Variants in CUX1 observed in about 807,000 individuals in gnomAD.
CUX1 encodes the protein cut like homeobox 1, also known as protein CASP.
Under a neutral mutation model 158.8 loss-of-function variants are expected in CUX1, and 31 were observed. That is an observed-to-expected ratio of 0.20 (90% CI 0.15 to 0.26). CUX1 has a LOEUF of 0.26. Among genes scored for constraint, CUX1 ranks in the 10% least tolerant of loss-of-function variants. The pLI, the probability that CUX1 is intolerant of heterozygous loss-of-function variation, is 1.00. For missense variants in CUX1, 1,589 were observed against 2,014.6 expected (o/e 0.79, Z 4.04); for synonymous variants, 879 against 862.1 (o/e 1.02, Z -0.34).
chr7:102,233,529 A>G (rs557343223), intron 21 of CUX1, among the ~76,000 whole-genome samples: 53 of 152,276 alleles, frequency 3.5e-4, no homozygotes, highest in African/African-American at 1.2e-3. Context: ...ACTCATGCCT[A>G]TAATCCCAGC....
At chr7:102,067,732 G>T (rs926411582) in intron 3 of CUX1, among the ~76,000 whole-genome samples, 3 of 151,770 alleles carry the variant, frequency 2.0e-5, no homozygotes, top group African/African-American at 4.8e-5. Context: ...ACAAGGCATG[G>T]TCTTGTCATA....
intron 20 of CUX1, among the ~76,000 whole-genome samples, chr7:102,222,693 T>A (rs1350747817): frequency 1.3e-5 from 2 of 151,662 alleles, no homozygotes; most frequent in African/African-American, 4.9e-5. Flanking sequence ...GCAGGCACAG[T>A]CACTCTGTCA....
At chr7:102,017,604 G>A (rs927272118) in intron 2 of CUX1, among the ~76,000 whole-genome samples, 18 of 152,232 alleles carry the variant, frequency 1.2e-4, no homozygotes, top group African/African-American at 2.4e-4. Flanking sequence ...CCAGCGCTTC[G>A]GTAGGCCGAG....
intron 2 of CUX1, among the ~76,000 whole-genome samples, chr7:102,004,991 G>C (rs1459871626): frequency 6.6e-6 from 1 of 152,246 alleles, no homozygotes; most frequent in Non-Finnish European, 1.5e-5. Context: ...AATCCCAGCA[G>C]CTGGCTGGTT....
rs138431697 is a variant in CUX1, at chr7:101,993,742, C to T, written c.142-34356C>T. Among the ~76,000 whole-genome samples the T allele has an allele frequency of 2.7e-3, 404 of 152,324 alleles. 1 individual carries two copies. Among genetic ancestry groups the T allele is most frequent in the African/African-American group, 9.2e-3 (382 of 41,564 alleles). On this transcript the variant is annotated intron_variant, in intron 2 of 23. Coordinates refer to ENST00000292535, the MANE Select transcript of CUX1 (RefSeq NM_181552.4). ...TCCTCTCCCTAACTCTGACTTCTGT[C>T]CCAGCCTCTTCCATCTAATGTCAGC...
At chr7:102,216,546 A>T (rs113662892) in intron 20 of CUX1, among the ~76,000 whole-genome samples, 2 of 98,142 alleles carry the variant, frequency 2.0e-5, no homozygotes, top group African/African-American at 4.4e-5. Context: ...ACACACACAC[A>T]CCCACACACG....
chr7:102,143,371 C>G (rs187320508), intron 8 of CUX1, among the ~76,000 whole-genome samples: 1 of 152,142 alleles, frequency 6.6e-6, no homozygotes, highest in Non-Finnish European at 1.5e-5. Flanking sequence ...TGGGCTCAAA[C>G]GATCCACCCA....
chr7:102,114,225 A>G (rs1239143143), intron 7 of CUX1, among the ~76,000 whole-genome samples: 1 of 152,236 alleles, frequency 6.6e-6, no homozygotes, highest in African/African-American at 2.4e-5. Flanking sequence ...ACATATATAC[A>G]TGCAATTATG....
In CUX1 at chr7:102,100,010, C is replaced by T. The variant is rs896405592; in HGVS notation, c.406+2509C>T. Among the ~76,000 whole-genome samples the T allele has an allele frequency of 8.5e-5, 13 of 152,166 alleles. No individual in the cohort carries two copies. The South Asian group carries it at 1.0e-3, about 12-fold the overall frequency. The stretch of plus-strand genomic sequence containing the variant: ...AAGAACAGCTCCAGGCCAGGTGCAG[C>T]GACTCACGCCTATAATCCCAGCACT... On this transcript the variant is annotated intron_variant, in intron 5 of 23. Transcript: ENST00000292535.
At chr7:101,886,536 T>C (rs1252845896) in intron 1 of CUX1, among the ~76,000 whole-genome samples, 1 of 152,156 alleles carries the variant, frequency 6.6e-6, no homozygotes, top group African/African-American at 2.4e-5. Context: ...CTTTGTTGAC[T>C]TGGCATTCGG....
In CUX1 at chr7:102,111,740, G is replaced by A. The variant is rs1350516060; in HGVS notation, c.573G>A (p.Glu191=). The A allele has an allele frequency of 6.2e-7, 1 of 1,614,104 alleles. No individual in the cohort carries two copies. Among genetic ancestry groups the A allele is most frequent in the African/African-American group, 1.3e-5 (1 of 74,954 alleles). Residue 191 remains glutamate, a synonymous_variant, in exon 7 of 24, where the codon GAG becomes GAA. Transcript: ENST00000292535. ...ETQMSTTSKL[E]EAEHKVQSLQ... is the part of the protein sequence containing the mutation. Reference sequence around the variant, plus strand: ...AGATGTCCACCACCTCAAAGCTGGAGGAAGCTGAGCATAAGGTTCAGAGCC... The same window carrying A: ...AGATGTCCACCACCTCAAAGCTGGAAGAAGCTGAGCATAAGGTTCAGAGCC...
chr7:102,032,905 A>G (rs2129343188), intron 3 of CUX1, among the ~76,000 whole-genome samples: 1 of 152,268 alleles, frequency 6.6e-6, no homozygotes, highest in Admixed American at 6.5e-5. Context: ...AATTTAGACA[A>G]TCCCTTTAGT....
intron 1 of CUX1, among the ~76,000 whole-genome samples, chr7:101,888,103 G>GT (rs1182887175): frequency 6.6e-6 from 1 of 152,172 alleles, no homozygotes; most frequent in Non-Finnish European, 1.5e-5. Flanking sequence ...TGAGGCTGAG[G>GT]TGGGGGGATC....
chr7:102,162,278 T>C (rs1003587848), intron 9 of CUX1, among the ~76,000 whole-genome samples: 3 of 152,054 alleles, frequency 2.0e-5, no homozygotes, highest in Non-Finnish European at 2.9e-5. Context: ...GAGGAAACTT[T>C]TTTGTTTTTG....
At chr7:101,875,401 C>G (rs1001164095) in intron 1 of CUX1, among the ~76,000 whole-genome samples, 1 of 152,152 alleles carries the variant, frequency 6.6e-6, no homozygotes, top group African/African-American at 2.4e-5. Context: ...AAGCAGAGCT[C>G]TCTATTAACC....
At position 102,201,915 on chromosome 7, in the gene CUX1, C is replaced by G; in HGVS notation, c.2618C>G (p.Pro873Arg). ...GCCGAGCGCAGTCAGCTCCAGGGAC[C>G]CTCGTCGTCAGAGTACTGGAAGGAG... ...PRAERSQLQG[P>R]SSSEYWKEWP... The change falls in exon 18 of 24, where the codon CCC becomes CGC. Residue 873 changes from proline (P) to arginine (R), a missense_variant. Around this residue, in one of 8 missense-constraint regions of CUX1, gnomAD observed 337 missense variants for 409.3 expected, o/e 0.82. Coordinates refer to ENST00000292535, the MANE Select transcript of CUX1 (RefSeq NM_181552.4). The surrounding 1 kb of genome is among the most constrained non-coding windows in gnomAD (Gnocchi z 5.0). 1 of 1,614,034 alleles carries G rather than the reference C, an allele frequency of 6.2e-7. No individual in the cohort carries two copies. Among genetic ancestry groups the G allele is most frequent in the Non-Finnish European group, 8.5e-7 (1 of 1,180,026 alleles).
rs1795379956 is a variant in CUX1 at position 102,201,054 on chromosome 7, A to AAAAT, written c.2063-306_2063-305insAAAT. On this transcript the variant is annotated intron_variant, in intron 17 of 23. Coordinates refer to ENST00000292535, the MANE Select transcript of CUX1 (RefSeq NM_181552.4). The surrounding 1 kb of genome is among the most constrained non-coding windows in gnomAD (Gnocchi z 5.0). ...AAAAAAAAAAAAAAAAAAAAAAAAA[A>AAAAT]TTCTCGGGGAAAGGAGCCCCAGGAG... Among the ~76,000 whole-genome samples the AAAAT allele has an allele frequency of 6.8e-6, 1 of 147,538 alleles. No homozygotes were observed. The highest frequency in any genetic ancestry group is 1.5e-5 in the Non-Finnish European group (1 of 66,862).
chr7:102,178,412 C>A (rs1792631405), intron 10 of CUX1, 57 bp from the exon 11 acceptor site: 3 of 1,504,540 alleles, frequency 2.0e-6, no homozygotes, highest in Admixed American at 3.9e-5. Flanking sequence ...GCACAGGTAG[C>A]CTCGAGCACC....
At chr7:101,854,285 C>T (rs1482544239) in intron 1 of CUX1, among the ~76,000 whole-genome samples, 1 of 152,158 alleles carries the variant, frequency 6.6e-6, no homozygotes, top group Non-Finnish European at 1.5e-5. Flanking sequence ...CGCCTTCTAG[C>T]CGGGCTGCCA....
Sources: gnomAD v4.1 joint callset for allele counts (sites outside exome capture counted in the v4.1 genomes callset) on GRCh38, gnomAD v4.1.1 for gene constraint, gnomAD v4.1.1 regional missense constraint, Gnocchi (gnomAD v3.1) non-coding constraint, MANE v1.5 for transcripts, NCBI Gene and HGNC (gene_info 2026-07-23, HGNC 2026-07-21) for gene names.